The following MTHFD1L variants were observed in gnomAD, a reference collection of about 807,000 sequenced individuals.
MTHFD1L encodes the protein monofunctional C1-tetrahydrofolate synthase, mitochondrial.
MTHFD1L carries 81 observed loss-of-function variants against 119.5 expected under a neutral mutation model. The ratio of observed to expected loss-of-function variants is 0.68; its 90% CI spans 0.57 to 0.82. The LOEUF is 0.82. Among genes scored for constraint, MTHFD1L ranks in the 40% least tolerant of loss-of-function variants. The pLI is 0.00. For synonymous variants in MTHFD1L, 430 were observed against 475.2 expected (o/e 0.90, Z 1.24); for missense variants, 1,125 against 1,253.4 (o/e 0.90, Z 1.55).
intron 26 of MTHFD1L, among the ~76,000 whole-genome samples, chr6:151,052,289 T>C (rs1299334374): frequency 6.6e-6 from 1 of 152,176 alleles, no homozygotes; most frequent in Non-Finnish European, 1.5e-5. Flanking sequence ...GGGAGTGATA[T>C]ACAGTCTCTA....
chr6:150,998,995 A>AAAAAAAAAAATGT (rs986639098), intron 20 of MTHFD1L, among the ~76,000 whole-genome samples: 20 of 143,660 alleles, frequency 1.4e-4, no homozygotes, highest in Admixed American at 1.4e-4. Flanking sequence ...GTCTTAAAAA[A>AAAAAAAAAAATGT]ATATATATAC....
intron 26 of MTHFD1L, among the ~76,000 whole-genome samples, chr6:151,065,667 A>G (rs531081934): frequency 6.6e-6 from 1 of 152,376 alleles, no homozygotes; most frequent in South Asian, 2.1e-4. Context: ...TCTGCACAGC[A>G]GTATTCAGGA....
rs527492665 is a variant in MTHFD1L at position 150,868,586 on chromosome 6, C to T, written c.227+2537C>T. On this transcript the variant is annotated intron_variant, in intron 1 of 27. Transcript: ENST00000367321. ...ACTCCTGACCTCGTGATCTGCCTGCCTCAGCCTCCCAAAGTGCTGGGATTA... is the reference window on the plus strand; with the variant it reads ...ACTCCTGACCTCGTGATCTGCCTGCTTCAGCCTCCCAAAGTGCTGGGATTA... Among the ~76,000 whole-genome samples, 263 of 152,216 alleles carry T rather than the reference C, an allele frequency of 1.7e-3. 1 individual carries two copies. The highest frequency in any genetic ancestry group is 6.2e-3 in the African/African-American group (258 of 41,536).
intron 26 of MTHFD1L, among the ~76,000 whole-genome samples, chr6:151,080,683 A>T (rs920063496): frequency 6.6e-6 from 1 of 152,134 alleles, no homozygotes. Flanking sequence ...TCAACAACAG[A>T]AGTTTATTTT....
chr6:151,013,302 C>T (rs1260009789), intron 21 of MTHFD1L, among the ~76,000 whole-genome samples: 5 of 152,182 alleles, frequency 3.3e-5, no homozygotes, highest in African/African-American at 1.2e-4. Flanking sequence ...ATCACTTGAG[C>T]CCAGGAGTTT....
At chr6:150,874,503 T>G (rs2128735439) in intron 1 of MTHFD1L, among the ~76,000 whole-genome samples, 1 of 152,338 alleles carries the variant, frequency 6.6e-6, no homozygotes, top group East Asian at 1.9e-4. Context: ...GTACCGTTGA[T>G]GGCATTGGCT....
At chr6:151,014,781 G>A (rs1782774511) in intron 22 of MTHFD1L, 99 bp from the exon 23 acceptor site, 2 of 765,390 alleles carry the variant, frequency 2.6e-6, no homozygotes, top group Admixed American at 2.8e-5. Flanking sequence ...GAAAAAAGAT[G>A]TAGCAAATCC....
At chr6:151,008,403 A>G (rs1230186239) in intron 20 of MTHFD1L, among the ~76,000 whole-genome samples, 1 of 152,192 alleles carries the variant, frequency 6.6e-6, no homozygotes, top group Non-Finnish European at 1.5e-5. Flanking sequence ...TTCCCTTCCT[A>G]GAGTGGTTTG....
intron 16 of MTHFD1L, among the ~76,000 whole-genome samples, chr6:150,952,741 G>A (rs1458085365): frequency 1.1e-4 from 16 of 152,100 alleles, no homozygotes; most frequent in Admixed American, 1.0e-3. Flanking sequence ...TGTTGGCCAG[G>A]ATGGTCTCGA....
chr6:151,073,543 C>T (rs947863962), intron 26 of MTHFD1L, among the ~76,000 whole-genome samples: 2 of 152,134 alleles, frequency 1.3e-5, no homozygotes, highest in African/African-American at 4.8e-5. Context: ...AATTCATAGA[C>T]ACGGACATTA....
intron 20 of MTHFD1L, among the ~76,000 whole-genome samples, chr6:150,999,309 A>G (rs929449912): frequency 6.6e-6 from 1 of 152,152 alleles, no homozygotes; most frequent in Non-Finnish European, 1.5e-5. Context: ...ATTTTGGGCT[A>G]AATCATGTTA....
intron 16 of MTHFD1L, among the ~76,000 whole-genome samples, chr6:150,950,645 T>C (rs554369235): frequency 4.6e-5 from 7 of 152,266 alleles, no homozygotes; most frequent in Non-Finnish European, 7.4e-5. Context: ...ACTGTGGTGA[T>C]AGCTGTATTG....
intron 26 of MTHFD1L, among the ~76,000 whole-genome samples, chr6:151,064,439 G>A (rs1401214686): frequency 6.6e-5 from 10 of 151,378 alleles, no homozygotes; most frequent in East Asian, 2.0e-4. Flanking sequence ...TCAGCCTCCC[G>A]AGTATCTGGG....
rs182768752 is a variant in MTHFD1L, at chr6:150,898,096, G to A, written c.781-7554G>A. 1.2e-3 allele frequency among the ~76,000 whole-genome samples: 186 copies of A among 152,172 alleles called. 2 individuals carry two copies. The East Asian group carries it at 0.029, about 24-fold the overall frequency. On this transcript the variant is annotated intron_variant, in intron 7 of 27. Coordinates refer to ENST00000367321, the MANE Select transcript of MTHFD1L (RefSeq NM_015440.5). ...TGACCTCAGGTGATCCACCCACCTC[G>A]GCCTCCCAAAGTGCAGGGATTACAG... is the stretch of plus-strand genomic sequence containing the variant.
intron 7 of MTHFD1L, among the ~76,000 whole-genome samples, chr6:150,903,748 G>A (rs1203381507): frequency 6.6e-6 from 1 of 152,194 alleles, no homozygotes; most frequent in East Asian, 1.9e-4. Flanking sequence ...AAAGGTTTTA[G>A]TAGGGCTTTC....
chr6:151,026,820 CTTTTTTTTTTTTTT>C (rs1158007442), intron 24 of MTHFD1L, among the ~76,000 whole-genome samples: 26 of 51,264 alleles, frequency 5.1e-4, no homozygotes, highest in African/African-American at 1.9e-3. Flanking sequence ...CCTTTCTATC[CTTTTTTTTTTTTTT>C]TTTTTTTTTT....
intron 20 of MTHFD1L, among the ~76,000 whole-genome samples, chr6:150,972,475 T>C (rs1253152878): frequency 6.6e-6 from 1 of 152,210 alleles, no homozygotes; most frequent in African/African-American, 2.4e-5. Context: ...GAAGGCATGT[T>C]AGCTAGGGAT....
intron 20 of MTHFD1L, among the ~76,000 whole-genome samples, chr6:150,972,930 G>T (rs1271634811): frequency 6.6e-6 from 1 of 152,186 alleles, no homozygotes; most frequent in East Asian, 1.9e-4. Context: ...CTAGAAAGAA[G>T]GGGCAACTCT....
chr6:151,026,024 AT>A (rs779726219), intron 24 of MTHFD1L, among the ~76,000 whole-genome samples: 1 of 152,086 alleles, frequency 6.6e-6, no homozygotes, highest in Non-Finnish European at 1.5e-5. Flanking sequence ...TATTTTGTCC[AT>A]TTTTTGTCAT....
Sources: gnomAD v4.1 joint callset for allele counts (sites outside exome capture counted in the v4.1 genomes callset) on GRCh38, gnomAD v4.1.1 for gene constraint, MANE v1.5 for transcripts, NCBI Gene and HGNC (gene_info 2026-07-23, HGNC 2026-07-21) for gene names.